The following DMD variants were observed in gnomAD, a reference collection of about 807,000 sequenced individuals.
The protein encoded by DMD is mutant dystrophin.
A neutral mutation model predicts 330.1 loss-of-function variants in DMD; 63 were observed. That is an observed-to-expected ratio of 0.19 (90% CI 0.16 to 0.24). DMD has a LOEUF of 0.24. Ranked by LOEUF, DMD falls within the 10% of genes least tolerant of loss-of-function variation. The pLI, the probability that DMD is intolerant of heterozygous loss-of-function variation, is 1.00. For missense variants in DMD, 3,344 were observed against 2,684.1 expected (o/e 1.25, Z -5.43); for synonymous variants, 1,223 against 959.8 (o/e 1.27, Z -5.07).
At chrX:32,269,215 G>A (rs759913937) in intron 43 of DMD, among the ~76,000 whole-genome samples, 2 of 110,776 alleles carry the variant, frequency 1.8e-5, no homozygotes, top group Admixed American at 9.6e-5. Context: ...TAAATACACC[G>A]TGCATGCTCC....
chrX:32,413,851 G>C (rs150939892), intron 29 of DMD, among the ~76,000 whole-genome samples: 1,798 of 108,259 alleles, frequency 0.017, 42 homozygotes, highest in African/African-American at 0.059. Context: ...CTCTCAAGTA[G>C]CTGGGATTAC....
At chrX:31,796,858 A>G (rs1469952806) in intron 50 of DMD, among the ~76,000 whole-genome samples, 2 of 110,905 alleles carry the variant, frequency 1.8e-5, no homozygotes, top group Non-Finnish European at 3.8e-5. Context: ...GCCAAATAAC[A>G]GCCTGGCACT....
Position 32,529,729 on chromosome X carries a change from A to T in DMD, c.2169-11598T>A, listed in dbSNP as rs2047306400. ...ATATTCCAATTACATTAGTCTATTC[A>T]TCTAGCAATCAAATTAAATAAAATC... On this transcript the variant is annotated intron_variant, in intron 17 of 78. Coordinates refer to ENST00000357033, the MANE Select transcript of DMD (RefSeq NM_004006.3). Among the ~76,000 whole-genome samples, 5 of 110,939 alleles carry T rather than the reference A, an allele frequency of 4.5e-5. No individual in the cohort carries two copies. The South Asian group carries it at 1.5e-3, about 33-fold the overall frequency.
At chrX:31,996,632 A>G (rs1190038724) in intron 44 of DMD, among the ~76,000 whole-genome samples, 1 of 111,714 alleles carries the variant, frequency 9.0e-6, no homozygotes, top group Non-Finnish European at 1.9e-5. Flanking sequence ...GTGGGGCTTC[A>G]ATTTTATATC....
intron 12 of DMD, among the ~76,000 whole-genome samples, chrX:32,604,974 T>G (rs777212586): frequency 1.8e-5 from 2 of 111,142 alleles, no homozygotes; most frequent in South Asian, 7.4e-4. Flanking sequence ...ATAACCACAC[T>G]GCTCAAAGCA....
intron 63 of DMD, among the ~76,000 whole-genome samples, chrX:31,241,162 C>G (rs2048237321): frequency 9.0e-6 from 1 of 111,627 alleles, no homozygotes. Context: ...GTGGACCAAA[C>G]TCTTTCTTCG....
intron 34 of DMD, among the ~76,000 whole-genome samples, chrX:32,374,041 C>A (rs1214996195): frequency 8.9e-6 from 1 of 111,896 alleles, no homozygotes; most frequent in African/African-American, 3.2e-5. Flanking sequence ...TAATTGGCAT[C>A]TCTCTGATGA....
intron 30 of DMD, among the ~76,000 whole-genome samples, chrX:32,391,167 C>T (rs1289533471): frequency 2.7e-5 from 3 of 111,157 alleles, no homozygotes; most frequent in Non-Finnish European, 5.7e-5. Context: ...AATCAGCTAG[C>T]GGTCAAATCA....
At chrX:32,768,333 C>T (rs958074256) in intron 7 of DMD, among the ~76,000 whole-genome samples, 14 of 111,465 alleles carry the variant, frequency 1.3e-4, no homozygotes, top group East Asian at 8.5e-4. Context: ...GTGTCAATAT[C>T]GTAACAATGA....
chrX:33,095,338 GTTAGCATTCATAGATCAGCC>G (rs1021760363), intron 1 of DMD, among the ~76,000 whole-genome samples: 3 of 112,455 alleles, frequency 2.7e-5, no homozygotes, highest in African/African-American at 9.7e-5. Flanking sequence ...CAACATAAAT[GTTAGCATTCATAGATCAGCC>G]TTTTATGGGA....
intron 55 of DMD, among the ~76,000 whole-genome samples, chrX:31,620,371 C>G (rs1016649940): frequency 2.5e-4 from 27 of 109,112 alleles, no homozygotes; most frequent in African/African-American, 9.0e-4. Context: ...TTTTCATGAT[C>G]TTGGATACAT....
intron 2 of DMD, among the ~76,000 whole-genome samples, chrX:32,988,354 G>T (rs1364324282): frequency 9.0e-6 from 1 of 110,801 alleles, no homozygotes; most frequent in African/African-American, 3.3e-5. Context: ...TCAAGATCTG[G>T]AGATAAAATG....
At chrX:32,308,117 G>C (rs1264405488) in intron 42 of DMD, among the ~76,000 whole-genome samples, 1 of 110,122 alleles carries the variant, frequency 9.1e-6, no homozygotes, top group Non-Finnish European at 1.9e-5. Context: ...GTGTTTATCT[G>C]CATAGTCTCT....
intron 52 of DMD, among the ~76,000 whole-genome samples, chrX:31,680,377 C>CTTT (rs1188303470): frequency 2.9e-5 from 3 of 103,528 alleles, no homozygotes; most frequent in Non-Finnish European, 6.0e-5. Flanking sequence ...CTTTTTCTTT[C>CTTT]TTTTTTTTTT....
At chrX:32,868,541 A>G (rs2082701089) in intron 2 of DMD, among the ~76,000 whole-genome samples, 1 of 112,441 alleles carries the variant, frequency 8.9e-6, no homozygotes, top group Non-Finnish European at 1.9e-5. Context: ...CTGCAGCTCC[A>G]GTCCACCATT....
chrX:31,295,154 C>G (rs1322553569), intron 62 of DMD, among the ~76,000 whole-genome samples: 1 of 109,365 alleles, frequency 9.1e-6, no homozygotes, highest in Non-Finnish European at 1.9e-5. Context: ...CACCACCACA[C>G]CTGGCTAATT....
At chrX:31,319,467 C>A (rs1425200839) in intron 62 of DMD, among the ~76,000 whole-genome samples, 1 of 112,043 alleles carries the variant, frequency 8.9e-6, no homozygotes, top group Non-Finnish European at 1.9e-5. Context: ...ATATAGAAGT[C>A]GGTACATTTA....
At chrX:31,911,501 CTT>C (rs34439142) in intron 47 of DMD, among the ~76,000 whole-genome samples, 51 of 101,783 alleles carry the variant, frequency 5.0e-4, no homozygotes, top group African/African-American at 1.1e-3. Context: ...GCATTTCTCA[CTT>C]TTTTTTTTTT....
intron 44 of DMD, among the ~76,000 whole-genome samples, chrX:32,049,579 C>T (rs1185488551): frequency 9.0e-6 from 1 of 111,367 alleles, no homozygotes; most frequent in Non-Finnish European, 1.9e-5. Flanking sequence ...TCCACAAACG[C>T]ACCATTAAAC....
Sources: gnomAD v4.1 joint callset for allele counts (sites outside exome capture counted in the v4.1 genomes callset) on GRCh38, gnomAD v4.1.1 for gene constraint, MANE v1.5 for transcripts, NCBI Gene and HGNC (gene_info 2026-07-23, HGNC 2026-07-21) for gene names.